Variants in OSBPL1A observed in about 807,000 individuals in gnomAD.
The protein encoded by OSBPL1A is oxysterol binding protein like 1A, also known as oxysterol-binding protein-related protein 1.
A neutral mutation model predicts 137.1 loss-of-function variants in OSBPL1A; 80 were observed. That is an observed-to-expected ratio of 0.58 (90% CI 0.49 to 0.70). The LOEUF is 0.70. Among genes scored for constraint, OSBPL1A ranks in the 30% least tolerant of loss-of-function variants. OSBPL1A has a pLI of 0.00. For synonymous variants in OSBPL1A, 365 were observed against 389.7 expected, an observed-to-expected ratio of 0.94 and a Z score of 0.75; for missense variants, 970 against 1,129.4, an observed-to-expected ratio of 0.86 and a Z score of 2.02.
chr18:24,389,914 C>T (rs1421045759), intron 1 of OSBPL1A, among the ~76,000 whole-genome samples: 1 of 151,848 alleles, frequency 6.6e-6, no homozygotes, highest in Non-Finnish European at 1.5e-5. Context: ...TGCAGTCCAG[C>T]CTGGGTGACA....
intron 14 of OSBPL1A, among the ~76,000 whole-genome samples, chr18:24,291,438 A>G (rs994914350): frequency 6.6e-6 from 1 of 152,150 alleles, no homozygotes; most frequent in Non-Finnish European, 1.5e-5. Context: ...CTAAAGCTAG[A>G]AAATAGAACT....
intron 1 of OSBPL1A, among the ~76,000 whole-genome samples, chr18:24,385,813 C>A (rs1435535045): frequency 6.6e-6 from 1 of 152,192 alleles, no homozygotes; most frequent in African/African-American, 2.4e-5. Context: ...TTTAAAGCAA[C>A]TTCCTTCTGA....
At chr18:24,332,572 C>CAAAAAAAAAA (rs34897629) in intron 7 of OSBPL1A, among the ~76,000 whole-genome samples, 1 of 108,468 alleles carries the variant, frequency 9.2e-6, no homozygotes, top group African/African-American at 3.0e-5. Context: ...ATAGAAACAG[C>CAAAAAAAAAA]AAAAAAAAAA....
Position 24,366,022 on chromosome 18 carries a change from C to T in OSBPL1A, c.282+870G>A, listed in dbSNP as rs79899177. 4.4e-3 allele frequency among the ~76,000 whole-genome samples: 677 copies of T among 152,278 alleles called. 7 individuals carry two copies. Among genetic ancestry groups the T allele is most frequent in the African/African-American group, 0.016 (648 of 41,552 alleles). On this transcript the variant is annotated intron_variant, in intron 4 of 27. Coordinates refer to ENST00000319481, the MANE Select transcript of OSBPL1A (RefSeq NM_080597.4). ...CTCAGTCCCAGCACTTCTCCCCACC[C>T]CTCAGACACCAGCTGCAGGTCCAGA...
intron 14 of OSBPL1A, chr18:24,302,727 G>T (rs2090426689): frequency 6.6e-6 from 1 of 152,048 alleles, no homozygotes; most frequent in African/African-American, 2.4e-5. Flanking sequence ...AGCCTTGTAG[G>T]CTATTTATAG....
chr18:24,374,106 T>A (rs564970511), intron 2 of OSBPL1A, among the ~76,000 whole-genome samples: 1 of 152,328 alleles, frequency 6.6e-6, no homozygotes, highest in East Asian at 1.9e-4. Flanking sequence ...AAAGAGCCAG[T>A]CTTTGCTGAA....
intron 2 of OSBPL1A, among the ~76,000 whole-genome samples, chr18:24,374,467 T>C (rs374856929): frequency 6.6e-6 from 1 of 152,060 alleles, no homozygotes; most frequent in Non-Finnish European, 1.5e-5. Context: ...TGAGGAGACA[T>C]AGAGAACAGG....
chr18:24,324,453 G>C (rs866770495), intron 7 of OSBPL1A, among the ~76,000 whole-genome samples: 520 of 2,010 alleles, frequency 0.26, 147 homozygotes, highest in African/African-American at 0.6. Context: ...TTCTGAAAAA[G>C]TTAAAAAAAA....
rs767411973 is a variant in OSBPL1A at position 24,181,115 on chromosome 18, A to C, written c.1812+30T>G. On this transcript the variant is annotated intron_variant, in intron 19 of 27. Transcript: ENST00000319481. ...CTGGGTTGGTAGCAAGGTCTCTAAG[A>C]GTTAGACCTTTTCCTCCCTTGGCTC... The C allele has an allele frequency of 3.1e-6, 5 of 1,608,794 alleles. No individual in the cohort carries two copies. In the South Asian group the frequency reaches 5.6e-5, roughly 18 times the overall value.
At chr18:24,169,787 C>T (rs1022078154) in intron 24 of OSBPL1A, among the ~76,000 whole-genome samples, 14 of 152,152 alleles carry the variant, frequency 9.2e-5, no homozygotes, top group African/African-American at 2.7e-4. Flanking sequence ...TGGGACCACG[C>T]GACAAGAAGC....
rs2088994646 is a variant in OSBPL1A, at chr18:24,249,188, ATGTACAG to A, written c.1282-9813_1282-9807del. Among the ~76,000 whole-genome samples, 3 of 152,232 alleles carry A rather than the reference ATGTACAG, an allele frequency of 2.0e-5. No individual in the cohort carries two copies. The South Asian group carries it at 6.2e-4, about 31-fold the overall frequency. ...ACAGAAATTTAAAATTTCCATTACC[ATGTACAG>A]TTTACAATCCAGAAGTCGCACTTAG... On this transcript the variant is annotated intron_variant, in intron 15 of 27. Coordinates refer to ENST00000319481, the MANE Select transcript of OSBPL1A (RefSeq NM_080597.4).
intron 17 of OSBPL1A, among the ~76,000 whole-genome samples, chr18:24,223,750 T>C (rs1354947315): frequency 6.6e-6 from 1 of 152,176 alleles, no homozygotes; most frequent in Admixed American, 6.5e-5. Context: ...CCCCTGTAGC[T>C]ACAGCAGAGG....
In OSBPL1A at chr18:24,377,418, C is replaced by CAATT. The variant is rs766116535; in HGVS notation, c.112_115dup (p.Cys39Ter). The CAATT allele has an allele frequency of 3.3e-3, 5,305 of 1,605,644 alleles. 16 individuals are homozygous for CAATT. Among genetic ancestry groups the CAATT allele is most frequent in the Admixed American group, 4.9e-3 (279 of 57,408 alleles). On this transcript the variant is annotated stop_gained and frameshift_variant, in exon 2 of 28. Transcript: ENST00000319481. LOFTEE classifies it high-confidence loss of function. The stretch of plus-strand genomic sequence containing the variant: ...AAAATCCATTCAAAGTTTACCTTTG[C>CAATT]AATTAATGTCAGCAATCACTTCATT...
chr18:24,209,952 G>A (rs2087483880), intron 17 of OSBPL1A, among the ~76,000 whole-genome samples: 2 of 152,122 alleles, frequency 1.3e-5, no homozygotes, highest in Admixed American at 6.6e-5. Context: ...AGTTACATGG[G>A]TCCATGCACC....
chr18:24,171,043 T>TG (rs975982301), intron 23 of OSBPL1A, among the ~76,000 whole-genome samples: 2 of 135,050 alleles, frequency 1.5e-5, no homozygotes, highest in African/African-American at 6.2e-5. Flanking sequence ...ATTTTTTTTG[T>TG]TTTTTTTTTT....
At chr18:24,222,505 C>T (rs538343011) in intron 17 of OSBPL1A, among the ~76,000 whole-genome samples, 117 of 152,216 alleles carry the variant, frequency 7.7e-4, no homozygotes, top group Non-Finnish European at 1.5e-3. Context: ...ATTGCTCCCA[C>T]GGAATGTGGC....
intron 15 of OSBPL1A, among the ~76,000 whole-genome samples, chr18:24,253,489 CAG>C (rs887202824): frequency 6.6e-6 from 1 of 152,158 alleles, no homozygotes; most frequent in Non-Finnish European, 1.5e-5. Context: ...TTTATCAAAA[CAG>C]GGGAACTGCA....
intron 17 of OSBPL1A, among the ~76,000 whole-genome samples, chr18:24,205,976 C>T (rs995295262): frequency 4.0e-5 from 6 of 150,966 alleles, no homozygotes; most frequent in African/African-American, 1.5e-4. Flanking sequence ...CTGCAACCTC[C>T]GCCTCTGGGG....
intron 15 of OSBPL1A, among the ~76,000 whole-genome samples, chr18:24,253,347 T>C (rs1046505916): frequency 3.9e-5 from 6 of 152,046 alleles, no homozygotes; most frequent in African/African-American, 7.2e-5. Flanking sequence ...ACAAAACAGA[T>C]TCCAAGACAA....
Sources: gnomAD v4.1 joint callset for allele counts (sites outside exome capture counted in the v4.1 genomes callset) on GRCh38, gnomAD v4.1.1 for gene constraint, MANE v1.5 for transcripts, NCBI Gene and HGNC (gene_info 2026-07-23, HGNC 2026-07-21) for gene names.